Variants in SPAG16 observed in about 807,000 individuals in gnomAD.
SPAG16 encodes sperm associated antigen 16.
In SPAG16, 86 loss-of-function variants were observed where a neutral mutation model predicts 80.4. The ratio of observed to expected loss-of-function variants is 1.07; its 90% CI spans 0.90 to 1.28. The LOEUF (loss-of-function observed/expected upper bound fraction) is 1.28, where lower values mean the gene tolerates loss of function less well. Among genes scored for constraint, SPAG16 ranks in the 50% most tolerant of loss-of-function variants. The probability of loss-of-function intolerance (pLI) is 0.00; values close to 1 mark genes in which losing one functional copy is unlikely to be tolerated. For synonymous variants in SPAG16, 294 were observed against 265.9 expected, an observed-to-expected ratio of 1.11 and a Z score of -1.03; for missense variants, 870 against 765.3, an observed-to-expected ratio of 1.14 and a Z score of -1.61.
At chr2:214,117,177 C>G (rs2053972779) in intron 14 of SPAG16, among the ~76,000 whole-genome samples, 1 of 151,858 alleles carries the variant, frequency 6.6e-6, no homozygotes, top group Non-Finnish European at 1.5e-5. Flanking sequence ...TTTAAAAAAT[C>G]AAACAGAAAT....
intron 15 of SPAG16, among the ~76,000 whole-genome samples, chr2:214,186,066 G>A (rs937642995): frequency 1.3e-5 from 2 of 151,954 alleles, no homozygotes; most frequent in African/African-American, 2.4e-5. Context: ...AATAAAAGTT[G>A]AATTGATAAC....
intron 15 of SPAG16, among the ~76,000 whole-genome samples, chr2:214,158,191 C>T (rs1007200798): frequency 3.9e-5 from 6 of 152,030 alleles, no homozygotes; most frequent in African/African-American, 1.2e-4. Flanking sequence ...TAAACAATTG[C>T]ATTTTTTCCT....
intron 11 of SPAG16, among the ~76,000 whole-genome samples, chr2:213,889,986 T>G (rs2076726590): frequency 6.6e-6 from 1 of 152,036 alleles, no homozygotes; most frequent in South Asian, 2.1e-4. Context: ...TGTAAGGTGG[T>G]AGATGCAGAT....
intron 11 of SPAG16, among the ~76,000 whole-genome samples, chr2:213,889,230 A>G (rs1005024006): frequency 1.3e-5 from 2 of 151,982 alleles, no homozygotes; most frequent in Non-Finnish European, 2.9e-5. Flanking sequence ...TTAACTTTAG[A>G]TAGAAAGTAA....
chr2:213,840,676 G>T (rs1286644371), intron 10 of SPAG16, among the ~76,000 whole-genome samples: 1 of 152,126 alleles, frequency 6.6e-6, no homozygotes, highest in Non-Finnish European at 1.5e-5. Context: ...CTTGGAAGAG[G>T]TCATCTTTGA....
chr2:214,092,506 AAT>A (rs59378417), intron 13 of SPAG16, among the ~76,000 whole-genome samples: 21,114 of 147,752 alleles, frequency 0.14, 1,565 homozygotes, highest in Non-Finnish European at 0.16. Flanking sequence ...TATATATATA[AAT>A]ATATATATAT....
At chr2:213,471,807 T>C (rs962910758) in intron 9 of SPAG16, among the ~76,000 whole-genome samples, 2 of 152,176 alleles carry the variant, frequency 1.3e-5, no homozygotes, top group Non-Finnish European at 2.9e-5. Context: ...ATGAGGAATG[T>C]CTTGCCTGCA....
chr2:213,396,078 C>G (rs934623293), intron 9 of SPAG16, among the ~76,000 whole-genome samples: 6 of 152,076 alleles, frequency 3.9e-5, no homozygotes, highest in African/African-American at 1.2e-4. Context: ...TAGCATACCT[C>G]TAGATTATTT....
At chr2:214,076,545 G>GTC (rs71399106) in intron 13 of SPAG16, among the ~76,000 whole-genome samples, 8,302 of 113,230 alleles carry the variant, frequency 0.073, 219 homozygotes, top group African/African-American at 0.091. Context: ...GTGTGTGTCT[G>GTC]TGTGTGTGTG....
intron 11 of SPAG16, among the ~76,000 whole-genome samples, chr2:213,919,475 G>C (rs560913442): frequency 6.6e-6 from 1 of 152,214 alleles, no homozygotes; most frequent in East Asian, 1.9e-4. Context: ...AGAAATTTTG[G>C]TATGTTGTGT....
intron 9 of SPAG16, among the ~76,000 whole-genome samples, chr2:213,451,160 CATT>C (rs2071665120): frequency 6.6e-6 from 1 of 152,036 alleles, no homozygotes; most frequent in Non-Finnish European, 1.5e-5. Flanking sequence ...AGTATTATCT[CATT>C]ATGTATATAA....
chr2:213,424,946 G>T (rs765543923), intron 9 of SPAG16, among the ~76,000 whole-genome samples: 1 of 152,144 alleles, frequency 6.6e-6, no homozygotes, highest in South Asian at 2.1e-4. Flanking sequence ...AAAGAAGCAA[G>T]ATTTGTTGTA....
At chr2:213,929,009 T>C (rs1230627959) in intron 11 of SPAG16, among the ~76,000 whole-genome samples, 17 of 131,844 alleles carry the variant, frequency 1.3e-4, no homozygotes, top group African/African-American at 3.2e-4. Context: ...TCTTTTTTTT[T>C]TTTTTTTTTT....
intron 10 of SPAG16, among the ~76,000 whole-genome samples, chr2:213,660,241 A>G (rs1363270595): frequency 6.6e-6 from 1 of 151,968 alleles, no homozygotes; most frequent in Non-Finnish European, 1.5e-5. Context: ...CATTTAGAAC[A>G]TTACACAACA....
intron 2 of SPAG16, 113 bp downstream of exon 2, chr2:213,296,223 C>G: frequency 1.4e-6 from 1 of 731,830 alleles, no homozygotes; most frequent in Non-Finnish European, 2.3e-6. Context: ...TTAAGAGATA[C>G]CAGTTTTTCA....
At chr2:213,305,471 A>G (rs2062904216) in intron 3 of SPAG16, among the ~76,000 whole-genome samples, 1 of 152,122 alleles carries the variant, frequency 6.6e-6, no homozygotes, top group Admixed American at 6.5e-5. Flanking sequence ...TTCCCCATTC[A>G]GTGTGATACT....
chr2:213,604,181 C>T (rs1227377945), intron 10 of SPAG16, among the ~76,000 whole-genome samples: 5 of 152,136 alleles, frequency 3.3e-5, no homozygotes, highest in Non-Finnish European at 2.9e-5. Context: ...CATGAGCCAC[C>T]GTGCCCTGCC....
chr2:213,605,895 T>A (rs183166769), intron 10 of SPAG16, among the ~76,000 whole-genome samples: 10 of 152,362 alleles, frequency 6.6e-5, no homozygotes, highest in African/African-American at 7.2e-5. Context: ...TATACAATTA[T>A]ATAAACAACT....
In SPAG16 at chr2:213,857,155, G is replaced by A. The variant is rs544298897; in HGVS notation, c.1071-5330G>A. Among the ~76,000 whole-genome samples the A allele has an allele frequency of 1.3e-3, 197 of 152,248 alleles. 1 individual carries two copies. Among genetic ancestry groups the A allele is most frequent in the Non-Finnish European group, 2.6e-3 (176 of 68,006 alleles). ...TGAAGCTGGAAAATTGCTTGAACCC[G>A]GGAGGCGGAGGTTGCAGTGAGCCGA... On this transcript the variant is annotated intron_variant, in intron 10 of 15. Transcript: ENST00000331683.
Sources: gnomAD v4.1 joint callset for allele counts (sites outside exome capture counted in the v4.1 genomes callset) on GRCh38, gnomAD v4.1.1 for gene constraint, MANE v1.5 for transcripts, NCBI Gene and HGNC (gene_info 2026-07-23, HGNC 2026-07-21) for gene names.